The following STARD13 variants were observed in gnomAD, a reference collection of about 807,000 sequenced individuals.
STARD13 encodes the protein StAR related lipid transfer domain containing 13.
In STARD13, 62 loss-of-function variants were observed where a neutral mutation model predicts 106.4. The ratio of observed to expected loss-of-function variants is 0.58; its 90% CI spans 0.48 to 0.72. STARD13 has a LOEUF of 0.72. STARD13 is among the 30% of genes least tolerant of loss of function. STARD13 has a pLI of 0.00. For synonymous variants in STARD13, 565 were observed against 553.0 expected (o/e 1.02, Z -0.31); for missense variants, 1,387 against 1,424.0 (o/e 0.97, Z 0.42).
chr13:33,165,375 A>C lies in STARD13; in HGVS notation c.285T>G (p.His95Gln). The change falls in exon 3 of 14, where the codon CAT (histidine) becomes CAG (glutamine). Residue 95 changes from histidine to glutamine, a missense_variant. His to Gln is a conservative substitution (Grantham distance 24). Coordinates refer to ENST00000336934, the MANE Select transcript of STARD13 (RefSeq NM_178006.4). ...CTACAAGGTCCTTTTCAAGAAAATCATGATCATTCTTGACAGCCACAATGT... is the reference window on the plus strand; with the variant it reads ...CTACAAGGTCCTTTTCAAGAAAATCCTGATCATTCTTGACAGCCACAATGT... The part of the protein sequence containing the change: ...PINIVAVKND[H>Q]DFLEKDLVEP... 1.2e-6 allele frequency: 2 copies of C among 1,614,058 alleles called. No individual in the cohort carries two copies. The highest frequency in any genetic ancestry group is 1.7e-6 in the Non-Finnish European group (2 of 1,179,918).
intron 1 of STARD13, among the ~76,000 whole-genome samples, chr13:33,307,418 A>G (rs1045095054): frequency 7.9e-5 from 12 of 152,264 alleles, no homozygotes; most frequent in African/African-American, 2.9e-4. Context: ...CCAAATGTCC[A>G]TCAAGGTTAC....
At chr13:33,416,761 A>G in the STARD13 span, among the ~76,000 whole-genome samples, 55 of 152,366 alleles carry the variant, frequency 3.6e-4, no homozygotes, top group African/African-American at 1.3e-3. Context: ...AAAGGAATAA[A>G]TATCTATGAT....
intron 1 of STARD13, chr13:33,277,864 T>C (rs1891532504): frequency 6.6e-6 from 1 of 152,156 alleles, no homozygotes; most frequent in African/African-American, 2.4e-5. Flanking sequence ...AGAATCTTTG[T>C]GTGGTTGTTA....
chr13:33,177,510 A>T (rs1226062815), intron 1 of STARD13, among the ~76,000 whole-genome samples: 2 of 152,196 alleles, frequency 1.3e-5, no homozygotes, highest in Non-Finnish European at 2.9e-5. Flanking sequence ...AAGGCTGGCA[A>T]ATCCGTCAAA....
the STARD13 span, among the ~76,000 whole-genome samples, chr13:33,614,424 C>T: frequency 6.6e-6 from 1 of 152,032 alleles, no homozygotes; most frequent in African/African-American, 2.4e-5. Flanking sequence ...CCAATGTTGA[C>T]CCTACTTGCA....
chr13:33,648,877 C>T, the STARD13 span, among the ~76,000 whole-genome samples: 1 of 145,080 alleles, frequency 6.9e-6, no homozygotes, highest in Admixed American at 6.8e-5. Flanking sequence ...CCGCAACCTC[C>T]GCCTCCCAGG....
chr13:33,103,145 A>T lies in STARD13; in HGVS notation c.*2448T>A, dbSNP rs1331525349. Reference sequence around the variant, plus strand: ...ATGAAAATCAACATCTATTTTATAGAAAATAGGAAATATTTAATATATATA... The same window carrying T: ...ATGAAAATCAACATCTATTTTATAGTAAATAGGAAATATTTAATATATATA... On this transcript the variant is annotated 3_prime_UTR_variant, in exon 14 of 14. Transcript: ENST00000336934. 1 of 152,408 alleles carries T rather than the reference A, an allele frequency of 6.6e-6. No individual in the cohort carries two copies. The highest frequency in any genetic ancestry group is 2.4e-5 in the African/African-American group (1 of 41,470). The allele number at this position is 152,408 out of a possible 1,614,324, so 9.4% of individuals were successfully genotyped here. A position where few individuals can be genotyped will look rare whatever the true frequency, so the allele number is the denominator to read the frequency against.
intron 1 of STARD13, among the ~76,000 whole-genome samples, chr13:33,232,686 T>C (rs1046828437): frequency 3.3e-5 from 5 of 152,260 alleles, no homozygotes; most frequent in Non-Finnish European, 7.3e-5. Context: ...TGTTTTTGAA[T>C]AAACATAGAA....
At chr13:33,181,040 A>G (rs759741192) in intron 1 of STARD13, among the ~76,000 whole-genome samples, 110 of 152,188 alleles carry the variant, frequency 7.2e-4, no homozygotes, top group Non-Finnish European at 1.4e-3. Context: ...GTATGCAAAC[A>G]TTGTTGTGTG....
the STARD13 span, among the ~76,000 whole-genome samples, chr13:33,587,294 T>C: frequency 1.3e-5 from 2 of 152,102 alleles, no homozygotes; most frequent in Non-Finnish European, 2.9e-5. Context: ...AGTCTTCATC[T>C]GACTATGGCC....
the STARD13 span, among the ~76,000 whole-genome samples, chr13:33,478,358 A>G: frequency 1.3e-5 from 2 of 152,158 alleles, no homozygotes; most frequent in Admixed American, 6.6e-5. Flanking sequence ...TAGGTGCCAA[A>G]CCACTAAAAT....
the STARD13 span, among the ~76,000 whole-genome samples, chr13:33,558,185 A>G: frequency 2.0e-5 from 3 of 152,192 alleles, no homozygotes; most frequent in African/African-American, 4.8e-5. Context: ...TTCACTCATA[A>G]TCTTTCTTTC....
the STARD13 span, among the ~76,000 whole-genome samples, chr13:33,374,973 C>T: frequency 1.3e-5 from 2 of 152,118 alleles, no homozygotes; most frequent in Non-Finnish European, 2.9e-5. Flanking sequence ...GTACTCATGT[C>T]TTGAGAATCC....
intron 1 of STARD13, among the ~76,000 whole-genome samples, chr13:33,321,687 G>GC (rs1893565866): frequency 6.6e-6 from 1 of 152,256 alleles, no homozygotes; most frequent in Non-Finnish European, 1.5e-5. Flanking sequence ...AAGCCACAGA[G>GC]CTAGGAGGTG....
the STARD13 span, among the ~76,000 whole-genome samples, chr13:33,666,460 A>AT: frequency 8.0e-5 from 12 of 150,858 alleles, no homozygotes; most frequent in African/African-American, 2.7e-4. Flanking sequence ...TGCCCGGCTA[A>AT]TTTTTTTTGT....
At chr13:33,173,613 A>G (rs1177863313) in intron 1 of STARD13, among the ~76,000 whole-genome samples, 2 of 152,242 alleles carry the variant, frequency 1.3e-5, no homozygotes, top group Admixed American at 6.5e-5. Context: ...TATACCAAAT[A>G]TAATTTTTTC....
At chr13:33,263,765 A>C (rs546855405) in intron 1 of STARD13, among the ~76,000 whole-genome samples, 1 of 152,354 alleles carries the variant, frequency 6.6e-6, no homozygotes, top group Admixed American at 6.5e-5. Context: ...ATTCAGTCAA[A>C]TGAATCAGTT....
At chr13:33,572,930 T>A in the STARD13 span, among the ~76,000 whole-genome samples, 2 of 152,198 alleles carry the variant, frequency 1.3e-5, no homozygotes, top group Non-Finnish European at 2.9e-5. Context: ...CTGTAGGGGA[T>A]CCTGAAACCA....
chr13:33,649,750 G>C, the STARD13 span, among the ~76,000 whole-genome samples: 4 of 152,030 alleles, frequency 2.6e-5, no homozygotes, highest in African/African-American at 9.7e-5. Flanking sequence ...TGGTAGTTAG[G>C]GTAAAAGAGG....
Sources: allele counts gnomAD v4.1 joint callset (sites outside exome capture counted in the v4.1 genomes callset), GRCh38; gene constraint gnomAD v4.1.1; transcripts MANE v1.5; gene names NCBI Gene and HGNC (gene_info 2026-07-23, HGNC 2026-07-21).